The following ADGRB1 variants were observed in gnomAD, a reference collection of about 807,000 sequenced individuals.
The protein encoded by ADGRB1 is adhesion G protein-coupled receptor B1, also known as brain-specific angiogenesis inhibitor 1.
In ADGRB1, 36 loss-of-function variants were observed where a neutral mutation model predicts 175.7. The observed-to-expected ratio is 0.20, with a 90% CI of 0.16 to 0.27. The LOEUF (loss-of-function observed/expected upper bound fraction) is 0.27. ADGRB1 is among the 10% of genes least tolerant of loss of function. The pLI, the probability that ADGRB1 is intolerant of heterozygous loss-of-function variation, is 1.00. For missense variants in ADGRB1, 1,731 were observed against 2,255.3 expected (o/e 0.77, Z 4.71); for synonymous variants, 1,054 against 979.4 (o/e 1.08, Z -1.42).
chr8:142,518,302 C>T, intron 19 of ADGRB1, 61 bp downstream of exon 19: 9 of 1,560,856 alleles, frequency 5.8e-6, no homozygotes, highest in East Asian at 4.5e-5. Context: ...ACGCCTCTTC[C>T]CTTGAAGGTC....
chr8:142,539,507 C>T, intron 27 of ADGRB1, 94 bp downstream of exon 27: 1 of 1,441,726 alleles, frequency 6.9e-7, no homozygotes, highest in Admixed American at 2.0e-5. Flanking sequence ...CATCACCCAT[C>T]CCTGTCCACT....
At chr8:142,481,009 A>C (rs1237627198) in intron 9 of ADGRB1, among the ~76,000 whole-genome samples, 3 of 152,208 alleles carry the variant, frequency 2.0e-5, no homozygotes, top group Non-Finnish European at 4.4e-5. Flanking sequence ...ACCTCCATGC[A>C]GTGGGGTTCC....
At chr8:142,513,906 G>A (rs903378391) in intron 18 of ADGRB1, among the ~76,000 whole-genome samples, 2 of 152,070 alleles carry the variant, frequency 1.3e-5, no homozygotes, top group East Asian at 1.9e-4. Flanking sequence ...CGGGGAGCCC[G>A]AGCTTACTCC....
chr8:142,518,293 C>A, intron 19 of ADGRB1, 52 bp downstream of exon 19: 1 of 1,569,682 alleles, frequency 6.4e-7, no homozygotes, highest in Non-Finnish European at 8.7e-7. Context: ...CTGCATCACA[C>A]GCCTCTTCCC....
At chr8:142,533,490 G>C in intron 25 of ADGRB1, 24 bp downstream of exon 25, 1 of 1,572,390 alleles carries the variant, frequency 6.4e-7, no homozygotes, top group East Asian at 2.3e-5. Context: ...CCTCTGTCGG[G>C]CCGGGCTCCT....
intron 26 of ADGRB1, among the ~76,000 whole-genome samples, chr8:142,538,171 C>T (rs933470573): frequency 5.3e-5 from 8 of 152,188 alleles, no homozygotes; most frequent in African/African-American, 1.9e-4. Flanking sequence ...TGACTCTTGC[C>T]CCATGGTGCC....
At chr8:142,501,725 T>TGTG (rs575423943) in intron 17 of ADGRB1, among the ~76,000 whole-genome samples, 2,324 of 75,604 alleles carry the variant, frequency 0.031, 148 homozygotes, top group African/African-American at 0.11. Flanking sequence ...GTGAGGGTGA[T>TGTG]GTGGTGGTGG....
In ADGRB1 at chr8:142,510,775, G is replaced by A. The variant is rs1013868863; in HGVS notation, c.2676-157G>A. ...CGCCCGGGCCGCGGGGCCTGGCGGCGGCGGGCGGACGGGCGCGCGGCTGCG... is the reference window on the plus strand; with the variant it reads ...CGCCCGGGCCGCGGGGCCTGGCGGCAGCGGGCGGACGGGCGCGCGGCTGCG... On this transcript the variant is annotated intron_variant, in intron 17 of 30. Transcript: ENST00000517894. This position sits in a 1 kb window ranked among gnomAD's most constrained non-coding sequence, Gnocchi z 6.3. Among the ~76,000 whole-genome samples the A allele has an allele frequency of 6.9e-5, 10 of 145,548 alleles. No homozygotes were observed. The highest frequency in any genetic ancestry group is 2.5e-4 in the African/African-American group (10 of 40,648).
At chr8:142,479,567 G>A (rs1046848044) in intron 8 of ADGRB1, 80 bp downstream of exon 8, 89 of 1,518,550 alleles carry the variant, frequency 5.9e-5, no homozygotes, top group East Asian at 1.2e-4. Context: ...TGTCACCCAC[G>A]TGGTGTGTTG....
chr8:142,488,262 C>T, intron 13 of ADGRB1, 102 bp from the exon 14 acceptor site: 3 of 1,495,414 alleles, frequency 2.0e-6, no homozygotes, highest in Non-Finnish European at 2.7e-6. Flanking sequence ...GCGGCATCAG[C>T]CTGCACTGCC....
chr8:142,462,916 G>A (rs542681911), intron 1 of ADGRB1, among the ~76,000 whole-genome samples: 1 of 152,214 alleles, frequency 6.6e-6, no homozygotes, highest in Non-Finnish European at 1.5e-5. Flanking sequence ...CCCGGATCCA[G>A]GGCCTTCACT....
At chr8:142,520,446 ATGGTGATGGTGGTGGTGG>A (rs1843750575) in intron 19 of ADGRB1, among the ~76,000 whole-genome samples, 73 of 6,990 alleles carry the variant, frequency 0.01, no homozygotes, top group South Asian at 0.015. Context: ...GATGGTGGTG[ATGGTGATGGTGGTGGTGG>A]TGGTGGTGAT....
At chr8:142,476,523 C>T in intron 3 of ADGRB1, 62 bp from the exon 4 acceptor site, 1 of 1,455,756 alleles carries the variant, frequency 6.9e-7, no homozygotes. Flanking sequence ...AGCACTGTGG[C>T]CACAGAGAGA....
Position 142,543,729 on chromosome 8 carries a change from C to A in ADGRB1, c.4557+21C>A. On this transcript the variant is annotated intron_variant, in intron 30 of 30. Coordinates refer to ENST00000517894, the MANE Select transcript of ADGRB1 (RefSeq NM_001702.3). The surrounding 1 kb of genome is among the most constrained non-coding windows in gnomAD (Gnocchi z 4.4). ...GCAAGGTCTGGAGGGCAGGGAGGGG[C>A]GGGGTGGGGAGAGCCCTTAGGTCAG... 5.2e-6 allele frequency: 2 copies of A among 387,738 alleles called. No individual in the cohort carries two copies. Among genetic ancestry groups the A allele is most frequent in the Non-Finnish European group, 5.0e-6 (1 of 198,846 alleles). 24.0% of individuals were successfully genotyped at this position (387,738 alleles called of 1,614,324 possible). A position where few individuals can be genotyped will look rare whatever the true frequency, so the allele number is the denominator to read the frequency against.
In ADGRB1 at chr8:142,493,996, A is replaced by T. The variant is rs769156896; in HGVS notation, c.2675+3181A>T. Among the ~76,000 whole-genome samples, 4 of 152,156 alleles carry T rather than the reference A, an allele frequency of 2.6e-5. No individual in the cohort carries two copies. The highest frequency in any genetic ancestry group is 4.4e-5 in the Non-Finnish European group (3 of 68,034). On this transcript the variant is annotated intron_variant, in intron 17 of 30. Coordinates refer to ENST00000517894, the MANE Select transcript of ADGRB1 (RefSeq NM_001702.3). This position sits in a 1 kb window ranked among gnomAD's most constrained non-coding sequence, Gnocchi z 5.0. Reference sequence around the variant, plus strand: ...CCAGGGCACCAAGGGACCGGGTCCAAGCTGGTGTGGGCCTGTGTCGGTGTG... The same window carrying T: ...CCAGGGCACCAAGGGACCGGGTCCATGCTGGTGTGGGCCTGTGTCGGTGTG...
chr8:142,457,907 C>A (rs776073576), intron 1 of ADGRB1, among the ~76,000 whole-genome samples: 1 of 152,200 alleles, frequency 6.6e-6, no homozygotes, highest in African/African-American at 2.4e-5. Context: ...GGTACCAGGC[C>A]GCTTGAATGG....
At chr8:142,470,326 T>G (rs1244976903) in intron 2 of ADGRB1, among the ~76,000 whole-genome samples, 1 of 152,198 alleles carries the variant, frequency 6.6e-6, no homozygotes, top group Non-Finnish European at 1.5e-5. Context: ...AGAATTTTAT[T>G]GCACGAGCGA....
intron 24 of ADGRB1, among the ~76,000 whole-genome samples, chr8:142,530,131 G>A (rs780889284): frequency 6.6e-6 from 1 of 152,118 alleles, no homozygotes; most frequent in Non-Finnish European, 1.5e-5. Context: ...ATAAGTGTGA[G>A]TGTGTATATA....
intron 17 of ADGRB1, among the ~76,000 whole-genome samples, chr8:142,507,900 C>A (rs138363452): frequency 6.6e-6 from 1 of 152,044 alleles, no homozygotes; most frequent in Non-Finnish European, 1.5e-5. Context: ...TGCTGGCCAT[C>A]TTGGTGTCTG....
Sources: allele counts gnomAD v4.1 joint callset (sites outside exome capture counted in the v4.1 genomes callset), GRCh38; gene constraint gnomAD v4.1.1; non-coding constraint Gnocchi (gnomAD v3.1); transcripts MANE v1.5; gene names NCBI Gene and HGNC (gene_info 2026-07-23, HGNC 2026-07-21).